The following NCKAP5 variants were observed in gnomAD, a reference collection of about 807,000 sequenced individuals.
NCKAP5 encodes the protein nck-associated protein 5.
In NCKAP5, 92 loss-of-function variants were observed where a neutral mutation model predicts 167.0. That is an observed-to-expected ratio of 0.55 (90% CI 0.47 to 0.66). NCKAP5 has a LOEUF of 0.66. Among genes scored for constraint, NCKAP5 ranks in the 30% least tolerant of loss-of-function variants. NCKAP5 has a pLI of 0.00. For missense variants in NCKAP5, 2,378 were observed against 2,315.0 expected, an observed-to-expected ratio of 1.03 and a Z score of -0.56; for synonymous variants, 891 against 877.4, an observed-to-expected ratio of 1.02 and a Z score of -0.27.
At chr2:132,793,569 T>C (rs1462599232) in intron 12 of NCKAP5, among the ~76,000 whole-genome samples, 3 of 152,224 alleles carry the variant, frequency 2.0e-5, no homozygotes, top group African/African-American at 7.2e-5. Flanking sequence ...CTGTGACCCA[T>C]GCTTTGCGCA....
At chr2:133,142,441 C>T (rs571923184) in intron 5 of NCKAP5, among the ~76,000 whole-genome samples, 1 of 152,282 alleles carries the variant, frequency 6.6e-6, no homozygotes, top group South Asian at 2.1e-4. Flanking sequence ...ATCATGACTG[C>T]AGGTCTTTTG....
intron 2 of NCKAP5, among the ~76,000 whole-genome samples, chr2:133,557,807 G>C (rs1387949542): frequency 6.6e-6 from 1 of 152,192 alleles, no homozygotes; most frequent in Non-Finnish European, 1.5e-5. Flanking sequence ...GAAAACAGGG[G>C]ACTACTGGGA....
chr2:133,647,431 A>AAG, the NCKAP5 span, among the ~76,000 whole-genome samples: 2 of 76,466 alleles, frequency 2.6e-5, no homozygotes, highest in Admixed American at 1.5e-4. Context: ...GAAAGAAAGG[A>AAG]AGAAAGAAAG....
At chr2:133,015,048 G>C (rs1476451611) in intron 6 of NCKAP5, among the ~76,000 whole-genome samples, 1 of 152,090 alleles carries the variant, frequency 6.6e-6, no homozygotes, top group Non-Finnish European at 1.5e-5. Context: ...AAAGCACAAT[G>C]AACACATACA....
Position 133,188,804 on chromosome 2 carries a change from T to C in NCKAP5, c.207+24912A>G, listed in dbSNP as rs145108732. Among the ~76,000 whole-genome samples, 295 of 152,274 alleles carry C rather than the reference T, an allele frequency of 1.9e-3. 3 individuals carry two copies. Among genetic ancestry groups the C allele is most frequent in the Middle Eastern group, 6.8e-3 (2 of 294 alleles). ...AAAGCAGTGTGTAGAGGGAAATTTA[T>C]AGCACTAAATGCCCACAAGAGAAAG... On this transcript the variant is annotated intron_variant, in intron 5 of 19. Transcript: ENST00000409261.
chr2:133,116,434 G>A, intron 6 of NCKAP5, among the ~76,000 whole-genome samples: 1 of 78,398 alleles, frequency 1.3e-5, no homozygotes, highest in Non-Finnish European at 2.2e-5. Flanking sequence ...CTTGCAGTGA[G>A]CCGAGATCGC....
chr2:133,296,552 T>G (rs1679975050), intron 4 of NCKAP5, among the ~76,000 whole-genome samples: 1 of 152,252 alleles, frequency 6.6e-6, no homozygotes, highest in Admixed American at 6.5e-5. Flanking sequence ...TGAAGCTTTC[T>G]ATGACATTTG....
intron 3 of NCKAP5, among the ~76,000 whole-genome samples, chr2:133,348,998 A>G (rs563563954): frequency 6.6e-6 from 1 of 152,328 alleles, no homozygotes; most frequent in African/African-American, 2.4e-5. Context: ...CCTTCCAAAT[A>G]TAACTCTCAA....
chr2:132,995,789 A>G (rs2077579446), intron 6 of NCKAP5, among the ~76,000 whole-genome samples: 1 of 152,046 alleles, frequency 6.6e-6, no homozygotes, highest in African/African-American at 2.4e-5. Context: ...AGCCTGGCCA[A>G]CATAATGAAA....
chr2:133,108,875 T>C (rs1420012877), intron 6 of NCKAP5, among the ~76,000 whole-genome samples: 1 of 152,248 alleles, frequency 6.6e-6, no homozygotes, highest in Non-Finnish European at 1.5e-5. Flanking sequence ...TTCCTTCTTT[T>C]TTAATGATAA....
At chr2:133,215,440 T>C (rs2086386449) in intron 4 of NCKAP5, among the ~76,000 whole-genome samples, 1 of 152,130 alleles carries the variant, frequency 6.6e-6, no homozygotes, top group Non-Finnish European at 1.5e-5. Flanking sequence ...GAGAATCACA[T>C]ACTCCATACT....
At chr2:132,679,599 T>C (rs2566530) in intron 19 of NCKAP5, among the ~76,000 whole-genome samples, 99,453 of 152,026 alleles carry the variant, frequency 0.65, 33,785 homozygotes, top group African/African-American at 0.85. Context: ...CACAGAGAAG[T>C]GTCTCCATGG....
chr2:133,364,501 A>G (rs766581403), intron 3 of NCKAP5, among the ~76,000 whole-genome samples: 3 of 152,178 alleles, frequency 2.0e-5, no homozygotes, highest in Non-Finnish European at 4.4e-5. Flanking sequence ...AATGGTGAGA[A>G]CCATTTAGTT....
At chr2:133,164,662 T>C (rs2083930000) in intron 5 of NCKAP5, among the ~76,000 whole-genome samples, 1 of 152,204 alleles carries the variant, frequency 6.6e-6, no homozygotes, top group Non-Finnish European at 1.5e-5. Context: ...ACTTTCCTTG[T>C]GGCTTTGGGA....
intron 6 of NCKAP5, among the ~76,000 whole-genome samples, chr2:133,004,180 T>A (rs2077882259): frequency 6.6e-6 from 1 of 152,132 alleles, no homozygotes; most frequent in Admixed American, 6.5e-5. Context: ...AAAGGAGAAA[T>A]ACACCTCACT....
chr2:132,951,461 A>G (rs75078973), intron 8 of NCKAP5, among the ~76,000 whole-genome samples: 1,641 of 152,338 alleles, frequency 0.011, 31 homozygotes, highest in African/African-American at 0.036. Flanking sequence ...TCCCACATCC[A>G]CATCTTAAAT....
intron 2 of NCKAP5, among the ~76,000 whole-genome samples, chr2:133,542,272 T>C (rs1251091506): frequency 6.6e-6 from 1 of 152,194 alleles, no homozygotes; most frequent in East Asian, 1.9e-4. Context: ...ACGTACTAAG[T>C]ATAATTTAAT....
chr2:132,943,190 C>T lies in NCKAP5; in HGVS notation c.579+20530G>A, dbSNP rs555153544. 5.3e-5 allele frequency among the ~76,000 whole-genome samples: 8 copies of T among 152,310 alleles called. No individual in the cohort carries two copies. The South Asian group carries it at 1.7e-3, about 32-fold the overall frequency. ...CAAATGGGTTTTCTCTGTTGGTAAACAATGACATTTCTCCCTATCTTTCCA... is the reference window on the plus strand; with the variant it reads ...CAAATGGGTTTTCTCTGTTGGTAAATAATGACATTTCTCCCTATCTTTCCA... On this transcript the variant is annotated intron_variant, in intron 8 of 19. Transcript: ENST00000409261.
intron 3 of NCKAP5, among the ~76,000 whole-genome samples, chr2:133,407,430 C>A (rs1469630359): frequency 6.6e-6 from 1 of 152,184 alleles, no homozygotes; most frequent in Non-Finnish European, 1.5e-5. Context: ...CCACTTACCA[C>A]AGCATTCAAA....
Sources: allele counts gnomAD v4.1 joint callset (sites outside exome capture counted in the v4.1 genomes callset), GRCh38; gene constraint gnomAD v4.1.1; transcripts MANE v1.5; gene names NCBI Gene and HGNC (gene_info 2026-07-23, HGNC 2026-07-21).